LRRC7: variants seen among roughly 807,000 people sequenced by gnomAD.
LRRC7 encodes leucine-rich repeat-containing protein 7.
Under a neutral mutation model 175.7 loss-of-function variants are expected in LRRC7, and 23 were observed. The ratio of observed to expected loss-of-function variants is 0.13; its 90% CI spans 0.09 to 0.19. The LOEUF is 0.19. Among genes scored for constraint, LRRC7 ranks in the 10% least tolerant of loss-of-function variants. The probability of loss-of-function intolerance (pLI) is 1.00; values close to 1 mark genes in which losing one functional copy is unlikely to be tolerated. For synonymous variants in LRRC7, 685 were observed against 680.9 expected (o/e 1.01, Z -0.09); for missense variants, 1,354 against 1,904.7 (o/e 0.71, Z 5.38).
At chr1:69,723,074 A>G (rs1474353666) in intron 2 of LRRC7, among the ~76,000 whole-genome samples, 1 of 152,040 alleles carries the variant, frequency 6.6e-6, no homozygotes, top group East Asian at 1.9e-4. Flanking sequence ...GAACTATTTA[A>G]TTCTATTATA....
intron 1 of LRRC7, among the ~76,000 whole-genome samples, chr1:69,594,463 C>A (rs1557452125): frequency 6.6e-6 from 1 of 151,966 alleles, no homozygotes; most frequent in Non-Finnish European, 1.5e-5. Context: ...TCAAAGTAGC[C>A]CCTAGGACGG....
At chr1:70,105,960 A>G (rs1188255343) in intron 25 of LRRC7, among the ~76,000 whole-genome samples, 1 of 152,148 alleles carries the variant, frequency 6.6e-6, no homozygotes, top group Non-Finnish European at 1.5e-5. Flanking sequence ...ACACAAGTAG[A>G]AGTATTTTAG....
At chr1:69,722,271 ATTT>A (rs1469616253) in intron 2 of LRRC7, among the ~76,000 whole-genome samples, 2 of 152,040 alleles carry the variant, frequency 1.3e-5, no homozygotes, top group East Asian at 3.9e-4. Context: ...TTCTAATTTT[ATTT>A]TTTGACAGCT....
chr1:69,955,553 C>T (rs900134160), intron 8 of LRRC7, among the ~76,000 whole-genome samples: 28 of 151,734 alleles, frequency 1.8e-4, no homozygotes, highest in Admixed American at 9.2e-4. Context: ...GACAACTCTT[C>T]GGGACTTCAA....
intron 25 of LRRC7, among the ~76,000 whole-genome samples, chr1:70,102,925 A>G (rs1664895629): frequency 6.6e-6 from 1 of 152,078 alleles, no homozygotes; most frequent in African/African-American, 2.4e-5. Context: ...GACAGAAAAA[A>G]TGGCTTCTCA....
At chr1:69,828,764 A>G (rs1680210295) in intron 5 of LRRC7, among the ~76,000 whole-genome samples, 1 of 152,018 alleles carries the variant, frequency 6.6e-6, no homozygotes, top group Non-Finnish European at 1.5e-5. Context: ...ATAAATGAAG[A>G]TGTTTTGATG....
intron 7 of LRRC7, among the ~76,000 whole-genome samples, chr1:69,911,294 C>T (rs905679917): frequency 7.9e-5 from 12 of 152,240 alleles, no homozygotes; most frequent in African/African-American, 2.9e-4. Flanking sequence ...CTGCATCACT[C>T]ACGCTGGGAG....
At chr1:70,118,707 T>A (rs901431080) in intron 26 of LRRC7, among the ~76,000 whole-genome samples, 3 of 152,140 alleles carry the variant, frequency 2.0e-5, no homozygotes, top group Non-Finnish European at 4.4e-5. Flanking sequence ...AGTTGTTTGG[T>A]CTCCTTAAAA....
At chr1:69,665,584 A>C (rs1658144693) in intron 1 of LRRC7, among the ~76,000 whole-genome samples, 1 of 152,078 alleles carries the variant, frequency 6.6e-6, no homozygotes, top group Non-Finnish European at 1.5e-5. Context: ...ATTTGTAGCC[A>C]TTGTGAATGG....
intron 11 of LRRC7, among the ~76,000 whole-genome samples, chr1:69,998,030 C>G (rs1655169347): frequency 6.6e-6 from 1 of 152,050 alleles, no homozygotes; most frequent in Non-Finnish European, 1.5e-5. Flanking sequence ...CCATCTGGTC[C>G]TGGACTCTTT....
At chr1:69,965,762 TA>T (rs1165042756) in intron 8 of LRRC7, among the ~76,000 whole-genome samples, 38 of 152,150 alleles carry the variant, frequency 2.5e-4, no homozygotes, top group African/African-American at 9.2e-4. Flanking sequence ...CTGAAAAAGC[TA>T]AACAGTCTCA....
chr1:69,811,891 T>G (rs1380750919), intron 4 of LRRC7, among the ~76,000 whole-genome samples: 2 of 152,050 alleles, frequency 1.3e-5, no homozygotes, highest in Non-Finnish European at 2.9e-5. Flanking sequence ...GCACATTCTG[T>G]GCATGTATCC....
chr1:69,912,951 G>C (rs1646577654), intron 7 of LRRC7, among the ~76,000 whole-genome samples: 1 of 151,864 alleles, frequency 6.6e-6, no homozygotes, highest in Non-Finnish European at 1.5e-5. Context: ...TTACTTCTTT[G>C]TACAGAATCT....
At chr1:69,714,613 G>C (rs1665136398) in intron 2 of LRRC7, among the ~76,000 whole-genome samples, 1 of 152,144 alleles carries the variant, frequency 6.6e-6, no homozygotes, top group South Asian at 2.1e-4. Context: ...GGCAGTCCTA[G>C]CGGGAGGAAC....
intron 7 of LRRC7, among the ~76,000 whole-genome samples, chr1:69,912,771 G>A (rs1646572304): frequency 6.6e-6 from 1 of 152,076 alleles, no homozygotes; most frequent in African/African-American, 2.4e-5. Flanking sequence ...TAAAATTCAG[G>A]TTTCTCTTCA....
chr1:69,854,044 T>G (rs1683307423), intron 7 of LRRC7, among the ~76,000 whole-genome samples: 1 of 152,212 alleles, frequency 6.6e-6, no homozygotes, highest in African/African-American at 2.4e-5. Context: ...GTTCCAACTG[T>G]GGCCTGTTTT....
chr1:69,856,541 C>T (rs1236053242), intron 7 of LRRC7, among the ~76,000 whole-genome samples: 1 of 152,132 alleles, frequency 6.6e-6, no homozygotes, highest in Non-Finnish European at 1.5e-5. Flanking sequence ...TGGACACATA[C>T]ACCCTCCCAA....
intron 7 of LRRC7, among the ~76,000 whole-genome samples, chr1:69,924,066 T>C (rs1309167293): frequency 6.6e-6 from 1 of 152,216 alleles, no homozygotes; most frequent in Non-Finnish European, 1.5e-5. Flanking sequence ...GGGAATCCTT[T>C]CCCCATTTCT....
intron 8 of LRRC7, among the ~76,000 whole-genome samples, chr1:69,976,223 C>T (rs1570879202): frequency 1.3e-5 from 2 of 152,156 alleles, no homozygotes; most frequent in Admixed American, 6.5e-5. Context: ...CATAAGGCCC[C>T]AAAATAGGCC....
Sources: allele counts gnomAD v4.1 joint callset (sites outside exome capture counted in the v4.1 genomes callset), GRCh38; gene constraint gnomAD v4.1.1; transcripts MANE v1.5; gene names NCBI Gene and HGNC (gene_info 2026-07-23, HGNC 2026-07-21).